Variants in MMP16 observed in about 807,000 individuals in gnomAD.
MMP16 encodes matrix metalloproteinase-16.
Under a neutral mutation model 67.8 loss-of-function variants are expected in MMP16, and 12 were observed. The ratio of observed to expected loss-of-function variants is 0.18; its 90% CI spans 0.11 to 0.29. The LOEUF (loss-of-function observed/expected upper bound fraction) is 0.29. MMP16 is among the 10% of genes least tolerant of loss of function. MMP16 has a pLI of 1.00. For synonymous variants in MMP16, 249 were observed against 255.9 expected, an observed-to-expected ratio of 0.97 and a Z score of 0.26; for missense variants, 475 against 765.7, an observed-to-expected ratio of 0.62 and a Z score of 4.48.
intron 1 of MMP16, among the ~76,000 whole-genome samples, chr8:88,215,431 G>T (rs977727413): frequency 6.6e-6 from 1 of 152,078 alleles, no homozygotes; most frequent in Non-Finnish European, 1.5e-5. Context: ...AGGCTAGAGA[G>T]GTTAACCTCT....
chr8:88,246,466 A>G (rs1284482479), intron 1 of MMP16, among the ~76,000 whole-genome samples: 1 of 152,180 alleles, frequency 6.6e-6, no homozygotes, highest in Non-Finnish European at 1.5e-5. Flanking sequence ...CTGTGTAGCG[A>G]TCTCATATCA....
rs754316702 is a variant in MMP16, at chr8:88,041,804, A to C, written c.1490-9T>G. ...GTAGAAATACGTAAAGCCTAGGGGG[A>C]AAAACATACACACACACAGGTACCA... On this transcript the variant is annotated splice_polypyrimidine_tract_variant and intron_variant, in intron 9 of 9. Transcript: ENST00000286614. This position sits in a 1 kb window ranked among gnomAD's most constrained non-coding sequence, Gnocchi z 6.0. The C allele has an allele frequency of 3.4e-5, 53 of 1,559,964 alleles. No individual in the cohort carries two copies. Among genetic ancestry groups the C allele is most frequent in the Admixed American group, 1.0e-4 (6 of 57,848 alleles).
intron 8 of MMP16, among the ~76,000 whole-genome samples, chr8:88,053,394 T>A (rs1034366875): frequency 1.3e-5 from 2 of 152,236 alleles, no homozygotes; most frequent in African/African-American, 2.4e-5. Context: ...GTACTCATCA[T>A]TCGCTATTGC....
chr8:88,118,645 C>A, intron 5 of MMP16, 55 bp downstream of exon 5: 1 of 1,495,448 alleles, frequency 6.7e-7, no homozygotes, highest in Non-Finnish European at 9.2e-7. Flanking sequence ...GAAAACACAG[C>A]AGAAATTCTG....
chr8:88,299,393 G>A (rs1811063734), intron 1 of MMP16, among the ~76,000 whole-genome samples: 1 of 151,714 alleles, frequency 6.6e-6, no homozygotes, highest in Admixed American at 6.6e-5. Flanking sequence ...CCTCAATCTG[G>A]ATCCCATCTG....
chr8:88,267,384 C>T (rs1269289862), intron 1 of MMP16, among the ~76,000 whole-genome samples: 1 of 152,250 alleles, frequency 6.6e-6, no homozygotes, highest in Non-Finnish European at 1.5e-5. Context: ...CCAAGACTCT[C>T]TCCCATTTGC....
chr8:88,055,380 A>G (rs1302261884), intron 8 of MMP16, among the ~76,000 whole-genome samples: 1 of 151,918 alleles, frequency 6.6e-6, no homozygotes, highest in East Asian at 1.9e-4. Context: ...GCTAATTTTT[A>G]TATTTTTAGT....
At chr8:88,250,535 A>C (rs2129922728) in intron 1 of MMP16, among the ~76,000 whole-genome samples, 1 of 152,158 alleles carries the variant, frequency 6.6e-6, no homozygotes, top group East Asian at 1.9e-4. Flanking sequence ...GCATAAAGGG[A>C]TCACAACTAT....
chr8:88,162,779 CT>C (rs1563550723), intron 4 of MMP16, among the ~76,000 whole-genome samples: 1 of 152,036 alleles, frequency 6.6e-6, no homozygotes, highest in Non-Finnish European at 1.5e-5. Context: ...CACTCTCTGT[CT>C]CTCTGTCCTC....
chr8:88,278,074 GA>G (rs1563581828), intron 1 of MMP16, among the ~76,000 whole-genome samples: 1 of 152,126 alleles, frequency 6.6e-6, no homozygotes, highest in African/African-American at 2.4e-5. Context: ...ATATTTGAAC[GA>G]AAAGACCAGG....
At chr8:88,045,207 A>C (rs1173329456) in intron 9 of MMP16, among the ~76,000 whole-genome samples, 3 of 152,220 alleles carry the variant, frequency 2.0e-5, no homozygotes, top group Non-Finnish European at 4.4e-5. Context: ...ACTATCACAC[A>C]GAATGTAGTA....
chr8:88,076,537 TTAA>T (rs887276682), intron 6 of MMP16, among the ~76,000 whole-genome samples: 1 of 152,128 alleles, frequency 6.6e-6, no homozygotes, highest in Non-Finnish European at 1.5e-5. Flanking sequence ...GTGGCCTGGA[TTAA>T]TAATGTTTTG....
In MMP16 at chr8:88,252,983, T is replaced by C. The variant is rs547647845; in HGVS notation, c.133-55677A>G. ...TTCTCTGGGAACTAGTTCAGATACT[T>C]GGTAAACAGTGGAAATAAAAAGCCT... On this transcript the variant is annotated intron_variant, in intron 1 of 9. Transcript: ENST00000286614. Among the ~76,000 whole-genome samples the C allele has an allele frequency of 2.6e-5, 4 of 152,246 alleles. No individual in the cohort carries two copies. The East Asian group carries it at 7.7e-4, about 29-fold the overall frequency.
chr8:88,100,220 A>G (rs1563531446), intron 6 of MMP16, among the ~76,000 whole-genome samples: 1 of 151,848 alleles, frequency 6.6e-6, no homozygotes, highest in Non-Finnish European at 1.5e-5. Context: ...ATATAGCTTT[A>G]GGTCTAACAT....
chr8:88,171,686 A>G (rs1344171388), intron 3 of MMP16, among the ~76,000 whole-genome samples: 2 of 152,198 alleles, frequency 1.3e-5, no homozygotes, highest in Non-Finnish European at 2.9e-5. Context: ...GTAAAGTTAA[A>G]AGGACTGTTC....
At chr8:88,061,888 CT>C (rs1258647545) in intron 7 of MMP16, among the ~76,000 whole-genome samples, 1,770 of 145,074 alleles carry the variant, frequency 0.012, 12 homozygotes, top group Middle Eastern at 0.014. Flanking sequence ...GCTCAATCAG[CT>C]TTTTTTTTTT....
chr8:88,080,795 T>G (rs763651581), intron 6 of MMP16, among the ~76,000 whole-genome samples: 2 of 152,078 alleles, frequency 1.3e-5, no homozygotes, highest in Non-Finnish European at 2.9e-5. Flanking sequence ...GAAACTGGTG[T>G]TGAAAATTAA....
intron 5 of MMP16, among the ~76,000 whole-genome samples, chr8:88,117,923 C>T (rs996649450): frequency 1.6e-4 from 25 of 151,898 alleles, no homozygotes; most frequent in Admixed American, 7.9e-4. Flanking sequence ...AGCATATTTG[C>T]TATATGTAAA....
chr8:88,069,947 A>C (rs992450005), intron 7 of MMP16, among the ~76,000 whole-genome samples: 1 of 152,186 alleles, frequency 6.6e-6, no homozygotes, highest in Non-Finnish European at 1.5e-5. Flanking sequence ...TTTGAGAGAC[A>C]CACTTACCAA....
Sources: allele counts gnomAD v4.1 joint callset (sites outside exome capture counted in the v4.1 genomes callset), GRCh38; gene constraint gnomAD v4.1.1; non-coding constraint Gnocchi (gnomAD v3.1); transcripts MANE v1.5; gene names NCBI Gene and HGNC (gene_info 2026-07-23, HGNC 2026-07-21).